RYR2: variants seen among roughly 807,000 people sequenced by gnomAD.
RYR2 encodes ryanodine receptor 2, also known as cardiac muscle ryanodine receptor-calcium release channel.
A neutral mutation model predicts 601.1 loss-of-function variants in RYR2; 227 were observed. The observed-to-expected ratio is 0.38, with a 90% CI of 0.34 to 0.42. RYR2 has a LOEUF of 0.42. RYR2 is among the 10% of genes least tolerant of loss of function. The probability of loss-of-function intolerance (pLI) is 1.00; values close to 1 mark genes in which losing one functional copy is unlikely to be tolerated. For synonymous variants in RYR2, 2,223 were observed against 2,175.1 expected (o/e 1.02, Z -0.61); for missense variants, 4,646 against 6,156.5 (o/e 0.75, Z 8.21).
chr1:237,610,782 G>C lies in RYR2; in HGVS notation c.4704G>C (p.Ala1568=). ...GCTAGAATGTGATGCCTCTCTCGGC[G>C]GGATTATTCAAGAGTGAGCACAAGA... ...GRIKNVMPLS[A]GLFKSEHKNP... Residue 1568 remains alanine (A), a synonymous_variant, in exon 36 of 105, where the codon GCG becomes GCC. Coordinates refer to ENST00000366574, the MANE Select transcript of RYR2 (RefSeq NM_001035.3). This position sits in a 1 kb window ranked among gnomAD's most constrained non-coding sequence, Gnocchi z 4.9. The C allele has an allele frequency of 6.2e-7, 1 of 1,606,572 alleles. No individual in the cohort carries two copies. Among genetic ancestry groups the C allele is most frequent in the Non-Finnish European group, 8.5e-7 (1 of 1,176,792 alleles).
At chr1:237,403,184 A>G (rs554974444) in intron 10 of RYR2, among the ~76,000 whole-genome samples, 21 of 152,314 alleles carry the variant, frequency 1.4e-4, no homozygotes, top group African/African-American at 4.1e-4. Context: ...TGATTCAAGA[A>G]AAACTATGAC....
intron 83 of RYR2, 139 bp from the exon 84 acceptor site, chr1:237,760,816 A>T: frequency 1.5e-6 from 1 of 646,300 alleles, no homozygotes; most frequent in South Asian, 1.9e-5. Flanking sequence ...TTGGTACGCA[A>T]TGAATGGAGA....
chr1:237,557,304 T>C (rs1182475104), intron 27 of RYR2, among the ~76,000 whole-genome samples: 4 of 152,200 alleles, frequency 2.6e-5, no homozygotes, highest in Admixed American at 2.6e-4. Context: ...TTGTTAGAAG[T>C]GAACCACTAA....
chr1:237,514,789 G>T (rs1434289729), intron 24 of RYR2, among the ~76,000 whole-genome samples: 1 of 152,114 alleles, frequency 6.6e-6, no homozygotes, highest in African/African-American at 2.4e-5. Context: ...GTAGAATGAG[G>T]ATCATAATGT....
chr1:237,365,715 G>A (rs1287080309), intron 5 of RYR2, among the ~76,000 whole-genome samples: 2 of 152,192 alleles, frequency 1.3e-5, no homozygotes, highest in Admixed American at 1.3e-4. Flanking sequence ...TGCATTTGCT[G>A]TATTCATTTT....
At chr1:237,706,078 G>A (rs953724589) in intron 67 of RYR2, among the ~76,000 whole-genome samples, 2 of 152,028 alleles carry the variant, frequency 1.3e-5, no homozygotes, top group Admixed American at 6.6e-5. Flanking sequence ...GTGAAACCCC[G>A]TCTGTGCTAA....
At chr1:237,802,402 A>G (rs1206719701) in intron 98 of RYR2, 1 of 152,218 alleles carries the variant, frequency 6.6e-6, no homozygotes, top group African/African-American at 2.4e-5. Context: ...CTATTACTAA[A>G]AACCGCCAGG....
chr1:237,299,215 A>C (rs927996363), intron 2 of RYR2, among the ~76,000 whole-genome samples: 1 of 151,560 alleles, frequency 6.6e-6, no homozygotes, highest in South Asian at 2.1e-4. Context: ...AATCCTTAAA[A>C]TGCTATTGCC....
intron 25 of RYR2, among the ~76,000 whole-genome samples, chr1:237,541,213 G>A (rs890179371): frequency 6.6e-6 from 1 of 152,158 alleles, no homozygotes; most frequent in Non-Finnish European, 1.5e-5. Flanking sequence ...CCAATGTGCC[G>A]TGTTCTTCAT....
chr1:237,351,780 C>G (rs979927556), intron 3 of RYR2, among the ~76,000 whole-genome samples: 1 of 144,468 alleles, frequency 6.9e-6, no homozygotes, highest in Non-Finnish European at 1.5e-5. Flanking sequence ...CAATCTTAAA[C>G]TCTTTCATAA....
chr1:237,708,832 G>A (rs1688590256), intron 68 of RYR2, 26 bp from the exon 69 acceptor site: 5 of 1,592,200 alleles, frequency 3.1e-6, no homozygotes, highest in Non-Finnish European at 4.3e-6. Flanking sequence ...TTACAGAGCA[G>A]AATACTAATG....
intron 29 of RYR2, among the ~76,000 whole-genome samples, chr1:237,570,085 G>C (rs886960599): frequency 1.3e-5 from 2 of 151,900 alleles, no homozygotes; most frequent in Non-Finnish European, 2.9e-5. Flanking sequence ...GGGCATGGTG[G>C]CATGCACCTG....
chr1:237,615,100 A>G (rs1045236709), intron 37 of RYR2, among the ~76,000 whole-genome samples: 5 of 152,072 alleles, frequency 3.3e-5, no homozygotes, highest in African/African-American at 7.2e-5. Context: ...CTTTCCACCC[A>G]TATTTCCACT....
At chr1:237,540,563 C>A (rs2148023230) in intron 25 of RYR2, among the ~76,000 whole-genome samples, 1 of 152,098 alleles carries the variant, frequency 6.6e-6, no homozygotes, top group South Asian at 2.1e-4. Context: ...AAAAATTAGC[C>A]ACGCATGGTG....
chr1:237,304,466 T>G (rs116532327), intron 2 of RYR2, among the ~76,000 whole-genome samples: 4,556 of 152,350 alleles, frequency 0.03, 124 homozygotes, highest in Non-Finnish European at 0.043. Context: ...CTGATTATTC[T>G]GAATCTCTGT....
chr1:237,795,966 G>A (rs1368116685), intron 96 of RYR2, among the ~76,000 whole-genome samples: 1 of 85,000 alleles, frequency 1.2e-5, no homozygotes, highest in African/African-American at 3.2e-5. Context: ...ACATATGTAT[G>A]TATATGTATA....
chr1:237,341,433 A>G (rs900614607), intron 3 of RYR2, among the ~76,000 whole-genome samples: 1 of 152,110 alleles, frequency 6.6e-6, no homozygotes, highest in African/African-American at 2.4e-5. Flanking sequence ...AACAAACACA[A>G]AAGCAAAAAC....
intron 1 of RYR2, among the ~76,000 whole-genome samples, chr1:237,244,233 TATTTAGAA>T (rs1387426928): frequency 6.6e-6 from 1 of 152,236 alleles, no homozygotes; most frequent in African/African-American, 2.4e-5. Flanking sequence ...CACAAGGTAG[TATTTAGAA>T]ATTTAGAAAA....
chr1:237,049,197 T>A (rs1572447308), intron 1 of RYR2, among the ~76,000 whole-genome samples: 1 of 152,070 alleles, frequency 6.6e-6, no homozygotes, highest in African/African-American at 2.4e-5. Flanking sequence ...AGAGAATAAA[T>A]TAAGGATTAA....
Sources: allele counts gnomAD v4.1 joint callset (sites outside exome capture counted in the v4.1 genomes callset), GRCh38; gene constraint gnomAD v4.1.1; non-coding constraint Gnocchi (gnomAD v3.1); transcripts MANE v1.5; gene names NCBI Gene and HGNC (gene_info 2026-07-23, HGNC 2026-07-21).